Variants in DYNC2H1 observed in about 807,000 individuals in gnomAD.
DYNC2H1 encodes dynein cytoplasmic 2 heavy chain 1.
A neutral mutation model predicts 570.0 loss-of-function variants in DYNC2H1; 410 were observed. The observed-to-expected ratio is 0.72, with a 90% CI of 0.66 to 0.78. The LOEUF is 0.78. Ranked by LOEUF, DYNC2H1 falls within the 30% of genes least tolerant of loss-of-function variation. The pLI, the probability that DYNC2H1 is intolerant of heterozygous loss-of-function variation, is 0.00. For missense variants in DYNC2H1, 4,865 were observed against 5,046.4 expected (o/e 0.96, Z 1.09); for synonymous variants, 1,688 against 1,677.6 (o/e 1.01, Z -0.15).
In DYNC2H1 at chr11:103,109,693, A is replaced by C; in HGVS notation, c.119A>C (p.Asn40Thr). ...QPLLCNCLEI[N>T]NFLDDGNQML... ...CTGTTGTGCAACTGTCTTGAAATCA[A>C]CAACTTCTTGGATGACGGCAACCAG... The change falls in exon 1 of 89, where the codon AAC becomes ACC. Residue 40 changes from asparagine (N) to threonine (T), a missense_variant. This residue lies in a region of DYNC2H1 where 1,936 missense variants were observed against 1,962.1 expected (regional missense o/e 0.99). Transcript: ENST00000375735. 6.2e-7 allele frequency: 1 copy of C among 1,613,930 alleles called. No homozygotes were observed. Among genetic ancestry groups the C allele is most frequent in the Non-Finnish European group, 8.5e-7 (1 of 1,179,884 alleles).
intron 84 of DYNC2H1, among the ~76,000 whole-genome samples, chr11:103,426,924 T>A (rs1271281795): frequency 2.0e-5 from 3 of 152,166 alleles, no homozygotes; most frequent in East Asian, 1.9e-4. Context: ...AGTAGTTATG[T>A]TTAAATAAAT....
At chr11:103,183,263 C>A (rs183067951) in intron 40 of DYNC2H1, among the ~76,000 whole-genome samples, 7 of 151,904 alleles carry the variant, frequency 4.6e-5, no homozygotes, top group Admixed American at 4.6e-4. Context: ...ACATTCAGAG[C>A]CTAACAAGGC....
At position 103,435,947 on chromosome 11, in the gene DYNC2H1, C is replaced by T; in HGVS notation, c.12371C>T (p.Pro4124Leu). 1 of 1,612,222 alleles carries T rather than the reference C, an allele frequency of 6.2e-7. No homozygotes were observed. Among genetic ancestry groups the T allele is most frequent in the Non-Finnish European group, 8.5e-7 (1 of 1,178,948 alleles). ...LASALLNQKCPLAWQSKWEGP... is the reference protein window; with the variant it reads ...LASALLNQKCLLAWQSKWEGP... ...TTGACCCTTTTTAAATTGCAGTGTC[C>T]TCTCGCATGGCAGAGCAAGTGGGAA... Residue 4124 changes from proline (P) to leucine (L), a missense_variant, in exon 85 of 89, where the codon CCT (proline) becomes CTT (leucine). This residue lies in a region of DYNC2H1 where 2,401 missense variants were observed against 2,454.6 expected (regional missense o/e 0.98). Transcript: ENST00000375735.
rs186559094 is a variant in DYNC2H1 at position 103,130,083 on chromosome 11, G to T, written c.1953+1078G>T. The stretch of plus-strand genomic sequence containing the variant: ...TCTTCTCCCAGTGGAATCACAGAGG[G>T]TGTACTTATTTTTTGCAGCAACAAA... On this transcript the variant is annotated intron_variant, in intron 13 of 88. Transcript: ENST00000375735. Among the ~76,000 whole-genome samples, 9 of 152,284 alleles carry T rather than the reference G, an allele frequency of 5.9e-5. 1 individual carries two copies. In the East Asian group the frequency reaches 1.4e-3, roughly 23 times the overall value.
At position 103,176,238 on chromosome 11, in the gene DYNC2H1, A is replaced by G; in HGVS notation, c.5678A>G (p.Asn1893Ser). Residue 1893 changes from asparagine to serine, a missense_variant, in exon 37 of 89, where the codon AAT becomes AGT. By Grantham distance (46) the Asn-to-Ser change is conservative. Coordinates refer to ENST00000375735, the MANE Select transcript of DYNC2H1 (RefSeq NM_001377.3). Reference protein sequence around the residue: ...LNKSGTTQNANESHIVVQALR... With the variant: ...LNKSGTTQNASESHIVVQALR... Reference sequence around the variant, plus strand: ...TTAAAATGAAACTTTTTTCTAGCTAATGAAAGTCATATTGTGGTACAAGCA... The same window carrying G: ...TTAAAATGAAACTTTTTTCTAGCTAGTGAAAGTCATATTGTGGTACAAGCA... 2.0e-6 allele frequency: 3 copies of G among 1,477,962 alleles called. No homozygotes were observed. The highest frequency in any genetic ancestry group is 2.7e-6 in the Non-Finnish European group (3 of 1,121,186). 91.6% of individuals were successfully genotyped at this position (1,477,962 alleles called of 1,614,324 possible). A position where few individuals can be genotyped will look rare whatever the true frequency, so the allele number is the denominator to read the frequency against.
At chr11:103,322,162 G>T (rs313400) in intron 81 of DYNC2H1, among the ~76,000 whole-genome samples, 67,307 of 151,864 alleles carry the variant, frequency 0.44, 15,984 homozygotes, top group Admixed American at 0.57. Context: ...CAGTGATAGT[G>T]CTGTTCTAGG....
chr11:103,416,745 A>C (rs567560243), intron 84 of DYNC2H1, among the ~76,000 whole-genome samples: 6 of 152,256 alleles, frequency 3.9e-5, no homozygotes, highest in African/African-American at 1.4e-4. Flanking sequence ...TTCAGACTAA[A>C]ACACCAAAAG....
chr11:103,281,173 AAAT>A (rs1866113808), intron 71 of DYNC2H1, among the ~76,000 whole-genome samples: 1 of 152,046 alleles, frequency 6.6e-6, no homozygotes. Context: ...ATAATAGTTA[AAAT>A]AATGCAGACC....
intron 77 of DYNC2H1, among the ~76,000 whole-genome samples, chr11:103,306,774 ACTT>A (rs1045113374): frequency 1.3e-5 from 2 of 152,098 alleles, no homozygotes; most frequent in Non-Finnish European, 2.9e-5. Context: ...AGCTATCAAA[ACTT>A]CTTCTGTCAT....
intron 43 of DYNC2H1, among the ~76,000 whole-genome samples, chr11:103,188,227 A>T (rs192923585): frequency 9.2e-5 from 14 of 152,150 alleles, no homozygotes; most frequent in Admixed American, 9.2e-4. Context: ...ATTGTACTCA[A>T]TTTATAATAT....
Position 103,187,200 on chromosome 11 carries a change from A to G in DYNC2H1, c.6894-140A>G, listed in dbSNP as rs576147638. On this transcript the variant is annotated intron_variant, in intron 42 of 88. Coordinates refer to ENST00000375735, the MANE Select transcript of DYNC2H1 (RefSeq NM_001377.3). ...TTGCTTTGATAGTTATGGAAGCCAT[A>G]TCTGTATTTACCATTTTTCCTATCA... The G allele has an allele frequency of 1.5e-4, 174 of 1,178,322 alleles. No homozygotes were observed. In the African/African-American group the frequency reaches 2.0e-3, roughly 14 times the overall value. 73.0% of individuals were successfully genotyped at this position (1,178,322 alleles called of 1,614,324 possible). A position where few individuals can be genotyped will look rare whatever the true frequency, so the allele number is the denominator to read the frequency against.
chr11:103,387,026 T>G (rs1277382159), intron 83 of DYNC2H1, among the ~76,000 whole-genome samples: 1 of 152,130 alleles, frequency 6.6e-6, no homozygotes, highest in African/African-American at 2.4e-5. Flanking sequence ...AGTAATGGGA[T>G]GGCTGGGTCA....
In DYNC2H1 at chr11:103,186,571, T is replaced by G; in HGVS notation, c.6893+70T>G. On this transcript the variant is annotated intron_variant, in intron 42 of 88. Transcript: ENST00000375735. The surrounding 1 kb of genome is among the most constrained non-coding windows in gnomAD (Gnocchi z 4.5). ...GCCGCCCCTAATTGATTTAATGGCT[T>G]TTGTTATGTTTCTTTTGGTTAAAGT... 6.6e-7 allele frequency: 1 copy of G among 1,522,714 alleles called. No homozygotes were observed. The highest frequency in any genetic ancestry group is 2.1e-5 in the Admixed American group (1 of 48,490). The allele number at this position is 1,522,714 out of a possible 1,614,324, so 94.3% of individuals were successfully genotyped here.
chr11:103,318,896 A>G (rs1938012065), intron 80 of DYNC2H1, among the ~76,000 whole-genome samples: 1 of 152,090 alleles, frequency 6.6e-6, no homozygotes, highest in Non-Finnish European at 1.5e-5. Flanking sequence ...CTATGACCCA[A>G]CATTCCCCAC....
chr11:103,463,687 G>T (rs1945096542), intron 87 of DYNC2H1, among the ~76,000 whole-genome samples: 1 of 152,170 alleles, frequency 6.6e-6, no homozygotes, highest in South Asian at 2.1e-4. Flanking sequence ...GGAGATCAAG[G>T]CTGCAGTGAG....
At chr11:103,119,701 G>T (rs1419902902) in intron 6 of DYNC2H1, among the ~76,000 whole-genome samples, 1 of 152,004 alleles carries the variant, frequency 6.6e-6, no homozygotes, top group Non-Finnish European at 1.5e-5. Flanking sequence ...AGCCCATGTT[G>T]TACATTTTAT....
At chr11:103,246,682 A>G (rs1864631193) in intron 65 of DYNC2H1, among the ~76,000 whole-genome samples, 1 of 151,950 alleles carries the variant, frequency 6.6e-6, no homozygotes, top group Non-Finnish European at 1.5e-5. Context: ...CTTTGTGTAT[A>G]TTCCAGATAT....
At chr11:103,266,790 G>T (rs1865523939) in intron 70 of DYNC2H1, among the ~76,000 whole-genome samples, 1 of 152,076 alleles carries the variant, frequency 6.6e-6, no homozygotes, top group Admixed American at 6.5e-5. Context: ...GGGCACCTGA[G>T]GCTGCCCTGC....
intron 84 of DYNC2H1, among the ~76,000 whole-genome samples, chr11:103,400,872 A>G (rs942165849): frequency 1.3e-5 from 2 of 152,180 alleles, no homozygotes; most frequent in Non-Finnish European, 2.9e-5. Context: ...TACCTTGAAA[A>G]AGAATCTGTT....
Sources: gnomAD v4.1 joint callset for allele counts (sites outside exome capture counted in the v4.1 genomes callset) on GRCh38, gnomAD v4.1.1 for gene constraint, gnomAD v4.1.1 regional missense constraint, Gnocchi (gnomAD v3.1) non-coding constraint, MANE v1.5 for transcripts, NCBI Gene and HGNC (gene_info 2026-07-23, HGNC 2026-07-21) for gene names.